COL4A1: variants seen among roughly 807,000 people sequenced by gnomAD.
COL4A1 encodes collagen type IV alpha 1 chain, also known as collagen alpha-1(IV) chain.
COL4A1 carries 40 observed loss-of-function variants against 216.6 expected under a neutral mutation model. The observed-to-expected ratio is 0.18, with a 90% CI of 0.14 to 0.24. The LOEUF is 0.24. Among genes scored for constraint, COL4A1 ranks in the 10% least tolerant of loss-of-function variants. The probability of loss-of-function intolerance (pLI) is 1.00; values close to 1 mark genes in which losing one functional copy is unlikely to be tolerated. For synonymous variants in COL4A1, 839 were observed against 810.7 expected (o/e 1.03, Z -0.59); for missense variants, 1,628 against 2,196.8 (o/e 0.74, Z 5.18).
chr13:110,154,591 A>G (rs1876675534), intron 50 of COL4A1, among the ~76,000 whole-genome samples: 2 of 152,276 alleles, frequency 1.3e-5, no homozygotes, highest in African/African-American at 4.8e-5. Context: ...GAGGCTGGTC[A>G]TATAGAGAAG....
intron 11 of COL4A1, 129 bp downstream of exon 11, chr13:110,209,263 T>C: frequency 1.4e-6 from 1 of 724,570 alleles, no homozygotes; most frequent in Non-Finnish European, 2.4e-6. Context: ...TACTTAAAGG[T>C]ATAGTTAGAT....
At chr13:110,285,702 G>T (rs764676376) in intron 1 of COL4A1, among the ~76,000 whole-genome samples, 2 of 152,136 alleles carry the variant, frequency 1.3e-5, no homozygotes, top group Admixed American at 6.5e-5. Context: ...GAAGGAGGTT[G>T]TATTAGCGCT....
At chr13:110,193,615 G>C (rs983251247) in intron 22 of COL4A1, among the ~76,000 whole-genome samples, 3 of 152,248 alleles carry the variant, frequency 2.0e-5, no homozygotes, top group Non-Finnish European at 2.9e-5. Flanking sequence ...GCCCATGCCA[G>C]GGACATCGAG....
intron 22 of COL4A1, 133 bp downstream of exon 22, chr13:110,194,890 A>C: frequency 1.4e-6 from 1 of 735,028 alleles, no homozygotes; most frequent in Non-Finnish European, 2.5e-6. Context: ...GAGATTGTGA[A>C]GAGGGTTCCA....
At chr13:110,291,310 A>G (rs560186248) in intron 1 of COL4A1, among the ~76,000 whole-genome samples, 1 of 152,328 alleles carries the variant, frequency 6.6e-6, no homozygotes, top group Admixed American at 6.5e-5. Flanking sequence ...TCAGCAACCA[A>G]GAATCTGCCA....
chr13:110,192,157 T>A (rs1307425403), intron 24 of COL4A1, 57 bp downstream of exon 24: 1 of 1,554,404 alleles, frequency 6.4e-7, no homozygotes, highest in Non-Finnish European at 8.9e-7. Context: ...CACAACTCTG[T>A]CCACGTGCTT....
chr13:110,189,124 C>T (rs1389281490), intron 24 of COL4A1, among the ~76,000 whole-genome samples: 7 of 152,190 alleles, frequency 4.6e-5, no homozygotes, highest in Non-Finnish European at 7.3e-5. Context: ...AGTGCAATGG[C>T]GCCATCTCGG....
At chr13:110,240,434 C>T (rs1881512218) in intron 2 of COL4A1, among the ~76,000 whole-genome samples, 1 of 152,236 alleles carries the variant, frequency 6.6e-6, no homozygotes, top group Admixed American at 6.5e-5. Context: ...AAGGCTAAAG[C>T]TGGCCCCTGT....
chr13:110,219,152 C>T (rs1261241067), intron 2 of COL4A1, among the ~76,000 whole-genome samples: 3 of 152,164 alleles, frequency 2.0e-5, no homozygotes, highest in African/African-American at 4.8e-5. Flanking sequence ...TGAGGCTTGA[C>T]GTCAGGGCAG....
At chr13:110,163,984 C>CTT (rs58236306) in intron 46 of COL4A1, among the ~76,000 whole-genome samples, 9,506 of 109,510 alleles carry the variant, frequency 0.087, 819 homozygotes, top group Admixed American at 0.13. Context: ...TTCTCTCTCT[C>CTT]TTTTTTTTTT....
At chr13:110,239,759 T>C (rs1305740061) in intron 2 of COL4A1, among the ~76,000 whole-genome samples, 1 of 152,170 alleles carries the variant, frequency 6.6e-6, no homozygotes, top group Non-Finnish European at 1.5e-5. Flanking sequence ...CTGAGGAAGA[T>C]CCACTTCTTC....
intron 2 of COL4A1, among the ~76,000 whole-genome samples, chr13:110,222,484 C>T (rs928699006): frequency 6.6e-6 from 1 of 150,992 alleles, no homozygotes; most frequent in South Asian, 2.1e-4. Context: ...AGAATTAAGG[C>T]TTTTTCAGGC....
intron 1 of COL4A1, among the ~76,000 whole-genome samples, chr13:110,273,896 G>A (rs138977754): frequency 4.6e-5 from 7 of 152,290 alleles, no homozygotes; most frequent in Admixed American, 1.3e-4. Context: ...TGCTTACACT[G>A]CAGTTTAAAG....
At chr13:110,160,934 C>G in intron 49 of COL4A1, 1 of 490,512 alleles carries the variant, frequency 2.0e-6, no homozygotes, top group Non-Finnish European at 3.7e-6. Flanking sequence ...GTCTTGAACT[C>G]CTGAGCTCAA....
intron 42 of COL4A1, 132 bp downstream of exon 42, chr13:110,170,415 C>G (rs1287708532): frequency 2.0e-6 from 2 of 1,001,008 alleles, no homozygotes; most frequent in South Asian, 2.9e-5. Flanking sequence ...AACACAATTT[C>G]AAGCTGTAAT....
chr13:110,212,134 C>T (rs1165668165), intron 6 of COL4A1, among the ~76,000 whole-genome samples: 1 of 152,144 alleles, frequency 6.6e-6, no homozygotes, highest in African/African-American at 2.4e-5. Flanking sequence ...CCCATAATGG[C>T]ATTTTCTTAC....
At chr13:110,293,269 C>T (rs1884156418) in intron 1 of COL4A1, among the ~76,000 whole-genome samples, 1 of 152,158 alleles carries the variant, frequency 6.6e-6, no homozygotes, top group Admixed American at 6.5e-5. Flanking sequence ...CTGCAGGCTG[C>T]CAAAGCTGGG....
In COL4A1 at chr13:110,179,330, A is replaced by T; in HGVS notation, c.2285T>A (p.Val762Glu). Residue 762 changes from valine to glutamate, a missense_variant, in exon 30 of 52, where the codon GTA (valine) becomes GAA (glutamate). Val to Glu is a moderately radical substitution (Grantham distance 121). Transcript: ENST00000375820. Reference protein sequence around the residue: ...GTPGEKGSIGVPGVPGEHGAI... With the variant: ...GTPGEKGSIGEPGVPGEHGAI... ...TCCATGTTCTCCAGGAACGCCTGGT[A>T]CCCCAATGCTCCCCTTCTCCCCGGG... is the stretch of plus-strand genomic sequence containing the variant. The T allele has an allele frequency of 6.2e-7, 1 of 1,614,014 alleles. No individual in the cohort carries two copies. Among genetic ancestry groups the T allele is most frequent in the Middle Eastern group, 1.6e-4 (1 of 6,062 alleles).
At chr13:110,254,370 A>G (rs908932445) in intron 1 of COL4A1, among the ~76,000 whole-genome samples, 3 of 152,214 alleles carry the variant, frequency 2.0e-5, no homozygotes, top group South Asian at 2.1e-4. Flanking sequence ...GAAGCATATC[A>G]TGAGGGCTCC....
Sources: allele counts gnomAD v4.1 joint callset (sites outside exome capture counted in the v4.1 genomes callset), GRCh38; gene constraint gnomAD v4.1.1; transcripts MANE v1.5; gene names NCBI Gene and HGNC (gene_info 2026-07-23, HGNC 2026-07-21).